Variants in ADARB2 observed in about 807,000 individuals in gnomAD.
ADARB2 encodes the protein inactive double-stranded RNA-specific editase B2.
Under a neutral mutation model 62.2 loss-of-function variants are expected in ADARB2, and 25 were observed. That is an observed-to-expected ratio of 0.40 (90% CI 0.29 to 0.56). The LOEUF (loss-of-function observed/expected upper bound fraction) is 0.56. Ranked by LOEUF, ADARB2 falls within the 20% of genes least tolerant of loss-of-function variation. The probability of loss-of-function intolerance (pLI) is 0.43; values close to 1 mark genes in which losing one functional copy is unlikely to be tolerated. For missense variants in ADARB2, 1,071 were observed against 1,077.4 expected, an observed-to-expected ratio of 0.99 and a Z score of 0.08; for synonymous variants, 572 against 500.8, an observed-to-expected ratio of 1.14 and a Z score of -1.90.
intron 1 of ADARB2, among the ~76,000 whole-genome samples, chr10:1,511,007 C>T (rs1269498807): frequency 6.6e-6 from 1 of 152,144 alleles, no homozygotes; most frequent in Non-Finnish European, 1.5e-5. Context: ...TGCATGCTAC[C>T]ATGTCCGGCT....
chr10:1,658,386 T>C (rs1422586475), intron 1 of ADARB2, among the ~76,000 whole-genome samples: 1 of 152,034 alleles, frequency 6.6e-6, no homozygotes, highest in Non-Finnish European at 1.5e-5. Context: ...TCTGTGTATC[T>C]CTTGTCTTTC....
At chr10:1,655,673 A>T (rs1056412294) in intron 1 of ADARB2, among the ~76,000 whole-genome samples, 1 of 142,884 alleles carries the variant, frequency 7.0e-6, no homozygotes, top group Admixed American at 7.0e-5. Context: ...AAGTGGAATT[A>T]AAAAAAAAAA....
chr10:1,293,273 A>G (rs1831493080), intron 3 of ADARB2, among the ~76,000 whole-genome samples: 2 of 109,464 alleles, frequency 1.8e-5, no homozygotes, highest in African/African-American at 3.7e-5. Context: ...GGAGGGAAGG[A>G]GGGAGGGAAA....
At chr10:1,450,943 T>A (rs1831028458) in intron 1 of ADARB2, among the ~76,000 whole-genome samples, 1 of 152,234 alleles carries the variant, frequency 6.6e-6, no homozygotes, top group African/African-American at 2.4e-5. Flanking sequence ...CACAGTCAGA[T>A]GTGCTGTCAG....
At chr10:1,698,012 T>C (rs1277529826) in intron 1 of ADARB2, among the ~76,000 whole-genome samples, 1 of 152,180 alleles carries the variant, frequency 6.6e-6, no homozygotes, top group Non-Finnish European at 1.5e-5. Flanking sequence ...CTTTCACCTG[T>C]CAGAAAAACT....
chr10:1,671,491 T>C (rs1834384454), intron 1 of ADARB2, among the ~76,000 whole-genome samples: 1 of 152,186 alleles, frequency 6.6e-6, no homozygotes, highest in Non-Finnish European at 1.5e-5. Flanking sequence ...TTGCTGCTTC[T>C]GGTAACATGC....
intron 1 of ADARB2, among the ~76,000 whole-genome samples, chr10:1,708,358 T>C (rs145977471): frequency 1.3e-5 from 2 of 152,146 alleles, no homozygotes; most frequent in Non-Finnish European, 1.5e-5. Context: ...CAAGCCTTGG[T>C]CTGAGAAGCC....
At chr10:1,186,732 C>T (rs1162356160) in intron 8 of ADARB2, among the ~76,000 whole-genome samples, 1 of 152,232 alleles carries the variant, frequency 6.6e-6, no homozygotes, top group Non-Finnish European at 1.5e-5. Context: ...TATAGGCCAG[C>T]CAAGTGCCTG....
intron 1 of ADARB2, among the ~76,000 whole-genome samples, chr10:1,464,289 G>GGCAGCGTGCT (rs1831218545): frequency 7.5e-6 from 1 of 132,832 alleles, no homozygotes; most frequent in Non-Finnish European, 1.6e-5. Context: ...ACACGCGCTG[G>GGCAGCGTGCT]GGACAGTCAC....
chr10:1,395,711 C>T (rs1331382839), intron 1 of ADARB2, among the ~76,000 whole-genome samples: 1 of 152,202 alleles, frequency 6.6e-6, no homozygotes, highest in Admixed American at 6.5e-5. Flanking sequence ...TCCCTATCTG[C>T]GTCCTGGGCA....
At chr10:1,596,530 A>G (rs1833338149) in intron 1 of ADARB2, among the ~76,000 whole-genome samples, 1 of 152,218 alleles carries the variant, frequency 6.6e-6, no homozygotes, top group Admixed American at 6.5e-5. Flanking sequence ...AGCTGAGTGA[A>G]GCCCCCTGGA....
At chr10:1,604,966 A>ACT (rs1833477282) in intron 1 of ADARB2, among the ~76,000 whole-genome samples, 1 of 152,210 alleles carries the variant, frequency 6.6e-6, no homozygotes, top group Admixed American at 6.5e-5. Flanking sequence ...AAAAGGGCAA[A>ACT]CTCTTATGGT....
intron 2 of ADARB2, among the ~76,000 whole-genome samples, chr10:1,373,232 C>CGTGTCTCTCTCTGTCTCT (rs1832388256): frequency 6.6e-6 from 1 of 152,072 alleles, no homozygotes; most frequent in East Asian, 1.9e-4. Flanking sequence ...TGTCTGTCTC[C>CGTGTCTCTCTCTGTCTCT]GTGTCTCTCT....
chr10:1,419,054 A>C (rs1238787263), intron 1 of ADARB2, among the ~76,000 whole-genome samples: 6 of 152,152 alleles, frequency 3.9e-5, no homozygotes, highest in Admixed American at 3.9e-4. Context: ...AATGAAACTA[A>C]AGCAGGAGCC....
At chr10:1,453,863 C>T (rs995188657) in intron 1 of ADARB2, among the ~76,000 whole-genome samples, 13 of 152,250 alleles carry the variant, frequency 8.5e-5, no homozygotes, top group South Asian at 2.1e-4. Context: ...AAAAATGGAA[C>T]GCTGTGCACT....
rs569073638 is a variant in ADARB2, at chr10:1,621,582, G to A, written c.100+115469C>T. Among the ~76,000 whole-genome samples, 3 of 152,212 alleles carry A rather than the reference G, an allele frequency of 2.0e-5. No individual in the cohort carries two copies. The South Asian group carries it at 6.2e-4, about 32-fold the overall frequency. On this transcript the variant is annotated intron_variant, in intron 1 of 9. Transcript: ENST00000381312. ...AGGCACATGCCACCACATCCAGCTA[G>A]TTTTTGTATTACTTGTAGAGATGAG...
chr10:1,481,941 A>G (rs975172878), intron 1 of ADARB2, among the ~76,000 whole-genome samples: 1 of 152,198 alleles, frequency 6.6e-6, no homozygotes, highest in African/African-American at 2.4e-5. Context: ...AAAGATTTGA[A>G]GAGAGATTTA....
Position 1,255,212 on chromosome 10 carries a change from T to C in ADARB2, c.1193-12913A>G, listed in dbSNP as rs564069217. On this transcript the variant is annotated intron_variant, in intron 4 of 9. Transcript: ENST00000381312. This position sits in a 1 kb window ranked among gnomAD's most constrained non-coding sequence, Gnocchi z 4.7. ...GAATGTCAGAAATGAATAACTCTGCTGTTTTAACACTCATTCTTTTTCCTT... is the reference window on the plus strand; with the variant it reads ...GAATGTCAGAAATGAATAACTCTGCCGTTTTAACACTCATTCTTTTTCCTT... 2.2e-4 allele frequency among the ~76,000 whole-genome samples: 33 copies of C among 152,356 alleles called. No individual in the cohort carries two copies. The highest frequency in any genetic ancestry group is 3.4e-3 in the Middle Eastern group (1 of 294).
intron 1 of ADARB2, among the ~76,000 whole-genome samples, chr10:1,421,875 G>A (rs1217465440): frequency 6.6e-6 from 1 of 152,218 alleles, no homozygotes; most frequent in Non-Finnish European, 1.5e-5. Context: ...GATTGTATTT[G>A]TTCCTTGATG....
Sources: allele counts gnomAD v4.1 joint callset (sites outside exome capture counted in the v4.1 genomes callset), GRCh38; gene constraint gnomAD v4.1.1; non-coding constraint Gnocchi (gnomAD v3.1); transcripts MANE v1.5; gene names NCBI Gene and HGNC (gene_info 2026-07-23, HGNC 2026-07-21).